KLC2: variants seen among roughly 807,000 people sequenced by gnomAD.
KLC2 encodes KLC 2.
Under a neutral mutation model 75.1 loss-of-function variants are expected in KLC2, and 35 were observed. The observed-to-expected ratio is 0.47, with a 90% CI of 0.36 to 0.62. KLC2 has a LOEUF of 0.62. Ranked by LOEUF, KLC2 falls within the 20% of genes least tolerant of loss-of-function variation. KLC2 has a pLI of 0.00. For synonymous variants in KLC2, 314 were observed against 336.7 expected (o/e 0.93, Z 0.74); for missense variants, 611 against 833.2 (o/e 0.73, Z 3.28).
At chr11:66,262,664 A>G (rs1856516664) in intron 4 of KLC2, 150 bp from the exon 5 acceptor site, 1 of 634,364 alleles carries the variant, frequency 1.6e-6, no homozygotes, top group Non-Finnish European at 2.8e-6. Context: ...TGGGGTAACT[A>G]GACCCATTCT....
chr11:66,266,020 C>T lies in KLC2; in HGVS notation c.1602+8C>T, dbSNP rs755171116. ...ACAGCTGAGTGGAATGGGGTGAGTCCGGGGCCTGGGCCGGGTCGGGCTGGG... is the reference window on the plus strand; with the variant it reads ...ACAGCTGAGTGGAATGGGGTGAGTCTGGGGCCTGGGCCGGGTCGGGCTGGG... On this transcript the variant is annotated splice_region_variant and intron_variant, in intron 13 of 15. Transcript: ENST00000394067. 62 of 1,613,178 alleles carry T rather than the reference C, an allele frequency of 3.8e-5. No homozygotes were observed. Among genetic ancestry groups the T allele is most frequent in the Non-Finnish European group, 4.8e-5 (57 of 1,179,454 alleles).
At chr11:66,256,961 C>T (rs1242198959), upstream of KLC2, among the ~76,000 whole-genome samples, 2 of 152,114 alleles carry the variant, frequency 1.3e-5, no homozygotes, top group Non-Finnish European at 2.9e-5. Context: ...GGTCAGGAAA[C>T]TGCGGTAGGA....
upstream of KLC2, among the ~76,000 whole-genome samples, chr11:66,256,032 T>G (rs962309707): frequency 6.6e-6 from 1 of 151,584 alleles, no homozygotes; most frequent in East Asian, 2.0e-4. Flanking sequence ...TCCCAAAGTG[T>G]TGGGATTACA....
chr11:66,258,412 G>A, intron 1 of KLC2, 172 bp from the exon 2 acceptor site: 1 of 595,430 alleles, frequency 1.7e-6, no homozygotes, highest in Non-Finnish European at 3.0e-6. Flanking sequence ...GCCTAGACAA[G>A]CTAGGCGCGC....
intron 4 of KLC2, chr11:66,262,536 C>G (rs1288948706): frequency 1.8e-6 from 1 of 559,292 alleles, no homozygotes. Context: ...GCTGATGGTA[C>G]TGGTTATGCA....
chr11:66,257,457 A>G (rs1383276160), upstream of KLC2: 2 of 152,218 alleles, frequency 1.3e-5, no homozygotes, highest in Admixed American at 1.3e-4. Flanking sequence ...GTTTCTCCCG[A>G]CGTCCTCGAT....
At chr11:66,250,106 C>T in the KLC2 span, among the ~76,000 whole-genome samples, 1 of 152,148 alleles carries the variant, frequency 6.6e-6, no homozygotes, top group Non-Finnish European at 1.5e-5. Context: ...AGAGTAAGCT[C>T]CTTTTCCTTT....
rs780442508 is a variant in KLC2 at position 66,264,032 on chromosome 11, C to G, written c.943-14C>G. 1 of 1,609,156 alleles carries G rather than the reference C, an allele frequency of 6.2e-7. No individual in the cohort carries two copies. On this transcript the variant is annotated splice_polypyrimidine_tract_variant and intron_variant, in intron 7 of 15. Coordinates refer to ENST00000394067, the MANE Select transcript of KLC2 (RefSeq NM_001318734.2). ...AGCCCTGAGCCCAACCCCTGGCTCCCTCTCCCATCCCAGGTCCTGGGCAAG... is the reference window on the plus strand; with the variant it reads ...AGCCCTGAGCCCAACCCCTGGCTCCGTCTCCCATCCCAGGTCCTGGGCAAG...
the KLC2 span, among the ~76,000 whole-genome samples, chr11:66,250,293 T>C: frequency 7.1e-6 from 1 of 141,832 alleles, no homozygotes; most frequent in Non-Finnish European, 1.6e-5. Flanking sequence ...GCCGGACTCA[T>C]TGTTGCAGTA....
chr11:66,255,608 A>G (rs1304967536), upstream of KLC2, among the ~76,000 whole-genome samples: 3 of 152,344 alleles, frequency 2.0e-5, no homozygotes, highest in East Asian at 3.9e-4. Context: ...GCTGAAATGG[A>G]CAAGGATAAA....
Position 66,265,674 on chromosome 11 carries a change from C to T in KLC2, c.1354C>T (p.Leu452=), listed in dbSNP as rs1856771268. The T allele has an allele frequency of 1.2e-6, 2 of 1,613,610 alleles. No homozygotes were observed. The highest frequency in any genetic ancestry group is 1.7e-6 in the Non-Finnish European group (2 of 1,179,806). The change falls in exon 12 of 16, where the codon CTG becomes TTG. Residue 452 remains leucine, a synonymous_variant. Coordinates refer to ENST00000394067, the MANE Select transcript of KLC2 (RefSeq NM_001318734.2). ...CCACAGCCCCACAGTCAACACCACC[C>T]TGCGCAGCTTGGGGGCCCTATACCG... ...KVDSPTVNTT[L]RSLGALYRRQ...
rs749704837 is a variant in KLC2 at position 66,265,228 on chromosome 11, G to A, written c.1327G>A (p.Val443Ile). The A allele has an allele frequency of 8.1e-7, 1 of 1,235,602 alleles. No individual in the cohort carries two copies. The allele number at this position is 1,235,602 out of a possible 1,614,324, so 76.5% of individuals were successfully genotyped here. ...EYGSWYKACK[V>I]DSPTVNTTLR... is the part of the protein sequence containing the mutation. ...CGGCAGCTGGTACAAGGCCTGTAAAGTAGACAGGTGAGTGGGGCGGGGCTG... is the reference window on the plus strand; with the variant it reads ...CGGCAGCTGGTACAAGGCCTGTAAAATAGACAGGTGAGTGGGGCGGGGCTG... The change falls in exon 11 of 16, where the codon GTA (valine) becomes ATA (isoleucine). Residue 443 changes from valine (V) to isoleucine (I), a missense_variant. Val to Ile is a conservative substitution (Grantham distance 29). Coordinates refer to ENST00000394067, the MANE Select transcript of KLC2 (RefSeq NM_001318734.2).
Position 66,267,538 on chromosome 11 carries a change from CT to C in KLC2, c.*583del. ...GACCTTCTCGCGCTCCTCCTGGCCTCTGAGGGATGCGTCCTACCCGCGCCAT... is the reference window on the plus strand; with the variant it reads ...GACCTTCTCGCGCTCCTCCTGGCCTCGAGGGATGCGTCCTACCCGCGCCAT... On this transcript the variant is annotated 3_prime_UTR_variant, in exon 16 of 16. Coordinates refer to ENST00000394067, the MANE Select transcript of KLC2 (RefSeq NM_001318734.2). The C allele has an allele frequency of 1.5e-6, 1 of 652,828 alleles. No individual in the cohort carries two copies. The highest frequency in any genetic ancestry group is 2.3e-5 in the Admixed American group (1 of 42,886). The allele number at this position is 652,828 out of a possible 1,614,324, so 40.4% of individuals were successfully genotyped here.
intron 5 of KLC2, 64 bp downstream of exon 5, chr11:66,263,100 T>A: frequency 8.0e-7 from 1 of 1,243,134 alleles, no homozygotes; most frequent in South Asian, 1.3e-5. Context: ...CACTAACCCT[T>A]GGTGCCTGCT....
At chr11:66,254,746 T>G (rs1855989894), upstream of KLC2, among the ~76,000 whole-genome samples, 1 of 144,778 alleles carries the variant, frequency 6.9e-6, no homozygotes. Flanking sequence ...AAAATAATGG[T>G]AAAACCCTAT....
the KLC2 span, among the ~76,000 whole-genome samples, chr11:66,248,858 G>C: frequency 6.6e-6 from 1 of 152,120 alleles, no homozygotes; most frequent in Non-Finnish European, 1.5e-5. Context: ...TCAGCCTTCT[G>C]GGTATCTGGG....
At position 66,267,011 on chromosome 11, in the gene KLC2, C is replaced by T; in HGVS notation, c.*55C>T. The T allele has an allele frequency of 6.3e-7, 1 of 1,597,976 alleles. No individual in the cohort carries two copies. Among genetic ancestry groups the T allele is most frequent in the South Asian group, 1.1e-5 (1 of 90,166 alleles). On this transcript the variant is annotated 3_prime_UTR_variant, in exon 16 of 16. Coordinates refer to ENST00000394067, the MANE Select transcript of KLC2 (RefSeq NM_001318734.2). ...CCCACCTGGCACACCCCCCTCACCC[C>T]AGCCCTGCGCATGGGCCTGCTGCTT... is the stretch of plus-strand genomic sequence containing the variant.
chr11:66,266,134 A>T lies in KLC2; in HGVS notation c.1644A>T (p.Lys548Asn). The T allele has an allele frequency of 6.2e-7, 1 of 1,613,844 alleles. No individual in the cohort carries two copies. The highest frequency in any genetic ancestry group is 8.5e-7 in the Non-Finnish European group (1 of 1,179,930). Residue 548 changes from lysine to asparagine, a missense_variant, in exon 14 of 16, where the codon AAA (lysine) becomes AAT (asparagine). Physicochemically the swap from Lys to Asn is moderately conservative, Grantham distance 94. Transcript: ENST00000394067. ...GSLRRSGSFGKLRDALRRSSE... is the reference protein window; with the variant it reads ...GSLRRSGSFGNLRDALRRSSE... ...TGAGGCGCAGCGGTTCCTTTGGGAA[A>T]CTCCGGGATGCCCTGAGGCGCAGCA...
rs1274703338 is a variant in KLC2, at chr11:66,267,424, C to A, written c.*468C>A. 4.2e-6 allele frequency: 3 copies of A among 717,542 alleles called. No homozygotes were observed. Among genetic ancestry groups the A allele is most frequent in the Non-Finnish European group, 7.8e-6 (3 of 385,260 alleles). The allele number at this position is 717,542 out of a possible 1,614,324, so 44.4% of individuals were successfully genotyped here. A position where few individuals can be genotyped will look rare whatever the true frequency, so the allele number is the denominator to read the frequency against. The stretch of plus-strand genomic sequence containing the variant: ...TCCCCTCGTCCCTCTTCTAGTGGTA[C>A]CGCCCAGGCCTTAATCACCCCCATT... On this transcript the variant is annotated 3_prime_UTR_variant, in exon 16 of 16. Transcript: ENST00000394067.
Sources: allele counts gnomAD v4.1 joint callset (sites outside exome capture counted in the v4.1 genomes callset), GRCh38; gene constraint gnomAD v4.1.1; transcripts MANE v1.5; gene names NCBI Gene and HGNC (gene_info 2026-07-23, HGNC 2026-07-21).